The following CACNA1D variants were observed in gnomAD, a reference collection of about 807,000 sequenced individuals.
CACNA1D encodes the protein calcium voltage-gated channel subunit alpha1 D.
Under a neutral mutation model 257.1 loss-of-function variants are expected in CACNA1D, and 55 were observed. The observed-to-expected ratio is 0.21, with a 90% CI of 0.17 to 0.27. CACNA1D has a LOEUF of 0.27. CACNA1D is among the 10% of genes least tolerant of loss of function. The pLI, the probability that CACNA1D is intolerant of heterozygous loss-of-function variation, is 1.00. For missense variants in CACNA1D, 1,876 were observed against 2,784.0 expected (o/e 0.67, Z 7.34); for synonymous variants, 980 against 1,014.9 (o/e 0.97, Z 0.65).
At chr3:53,564,652 G>A (rs2092801954) in intron 3 of CACNA1D, among the ~76,000 whole-genome samples, 1 of 151,886 alleles carries the variant, frequency 6.6e-6, no homozygotes, top group Admixed American at 6.6e-5. Flanking sequence ...TTTTAAATTA[G>A]CGTTTATGGA....
At chr3:53,700,926 A>C (rs910880362) in intron 8 of CACNA1D, among the ~76,000 whole-genome samples, 2 of 147,836 alleles carry the variant, frequency 1.4e-5, no homozygotes, top group African/African-American at 5.1e-5. Flanking sequence ...TCCGTTGCCC[A>C]GGCTGGAGTG....
At chr3:53,522,878 C>G (rs759566201) in intron 3 of CACNA1D, among the ~76,000 whole-genome samples, 1 of 152,194 alleles carries the variant, frequency 6.6e-6, no homozygotes. Flanking sequence ...TTCCATCTAA[C>G]TGTGTGTTTG....
intron 3 of CACNA1D, among the ~76,000 whole-genome samples, chr3:53,645,988 A>G (rs146520061): frequency 0.02 from 3,006 of 152,278 alleles, 49 homozygotes; most frequent in Non-Finnish European, 0.03. Flanking sequence ...CTTGCATTCA[A>G]CCCCGCTGGG....
In CACNA1D at chr3:53,726,941, A is replaced by G. The variant is rs1352649683; in HGVS notation, c.2163A>G (p.Pro721=). The G allele has an allele frequency of 6.2e-7, 1 of 1,614,174 alleles. No homozygotes were observed. Among genetic ancestry groups the G allele is most frequent in the Non-Finnish European group, 8.5e-7 (1 of 1,180,004 alleles). The part of the protein sequence containing the change: ...MYDGIMAYGG[P]SSSGMIVCIY... ...ATGGCATCATGGCTTACGGGGGCCC[A>G]TCCTCTTCAGGAATGATCGTCTGCA... is the stretch of plus-strand genomic sequence containing the variant. Residue 721 remains proline (P), a synonymous_variant, in exon 15 of 48, where the codon CCA becomes CCG. Transcript: ENST00000350061.
chr3:53,666,313 G>C, intron 6 of CACNA1D, 26 bp from the exon 7 acceptor site: 2 of 1,606,978 alleles, frequency 1.2e-6, no homozygotes, highest in Non-Finnish European at 1.7e-6. Context: ...GTCCTGAGCG[G>C]TACAGCCTGT....
intron 40 of CACNA1D, among the ~76,000 whole-genome samples, chr3:53,795,509 C>T (rs141653507): frequency 9.8e-4 from 150 of 152,334 alleles, no homozygotes; most frequent in Non-Finnish European, 1.8e-3. Context: ...GCCTTTGACT[C>T]ATTTGGGCAC....
intron 47 of CACNA1D, 131 bp downstream of exon 47, chr3:53,810,429 G>A: frequency 2.3e-6 from 2 of 857,628 alleles, no homozygotes; most frequent in Non-Finnish European, 3.9e-6. Context: ...AGACACTTCT[G>A]AGCAGCAGGA....
chr3:53,519,604 T>C (rs1046812219), intron 3 of CACNA1D, among the ~76,000 whole-genome samples: 9 of 152,192 alleles, frequency 5.9e-5, no homozygotes, highest in Admixed American at 1.3e-4. Flanking sequence ...GTAGCAGGGA[T>C]CATGGCATGT....
At position 53,612,665 on chromosome 3, in the gene CACNA1D, C is replaced by T. The variant is rs571995553; in HGVS notation, c.484-38114C>T. On this transcript the variant is annotated intron_variant, in intron 3 of 47. Coordinates refer to ENST00000350061, the MANE Select transcript of CACNA1D (RefSeq NM_001128840.3). ...TTCTTTGCCCTGCAGTGTCTAGCCA[C>T]CTCAGACTCCCTACATTCCAGACTG... Among the ~76,000 whole-genome samples, 4 of 152,318 alleles carry T rather than the reference C, an allele frequency of 2.6e-5. No homozygotes were observed. The South Asian group carries it at 8.3e-4, about 32-fold the overall frequency.
At chr3:53,770,588 T>C in intron 32 of CACNA1D, 36 bp downstream of exon 32, 1 of 1,608,058 alleles carries the variant, frequency 6.2e-7, no homozygotes. Flanking sequence ...TCTTTGTCTT[T>C]GAAGATCATA....
At position 53,495,361 on chromosome 3, in the gene CACNA1D, G is replaced by A; in HGVS notation, c.67+128G>A. The A allele has an allele frequency of 9.3e-7, 1 of 1,069,840 alleles. No homozygotes were observed. The highest frequency in any genetic ancestry group is 1.3e-5 in the South Asian group (1 of 78,702). 66.3% of individuals were successfully genotyped at this position (1,069,840 alleles called of 1,614,324 possible). A position where few individuals can be genotyped will look rare whatever the true frequency, so the allele number is the denominator to read the frequency against. ...GAGAGGGTGCTGCCAGCTCGGTGTC[G>A]TCTACACAGAGAGGGGACATGCGTG... On this transcript the variant is annotated intron_variant, in intron 1 of 47. Coordinates refer to ENST00000350061, the MANE Select transcript of CACNA1D (RefSeq NM_001128840.3). The surrounding 1 kb of genome is among the most constrained non-coding windows in gnomAD (Gnocchi z 5.1).
At chr3:53,648,979 T>C (rs1007553279) in intron 3 of CACNA1D, among the ~76,000 whole-genome samples, 12 of 152,176 alleles carry the variant, frequency 7.9e-5, no homozygotes, top group Non-Finnish European at 1.5e-4. Flanking sequence ...AGCCCTGTTA[T>C]ATGACCAGTG....
rs1559692885 is a variant in CACNA1D at position 53,789,936 on chromosome 3, T to A, written c.4923+2984T>A. On this transcript the variant is annotated intron_variant, in intron 40 of 47. Coordinates refer to ENST00000350061, the MANE Select transcript of CACNA1D (RefSeq NM_001128840.3). This position sits in a 1 kb window ranked among gnomAD's most constrained non-coding sequence, Gnocchi z 4.2. ...AAGGGGAATGGCTTGAGCTCCTGGA[T>A]CCATGTGTGGGAAGGAGCTCGGCAT... Among the ~76,000 whole-genome samples the A allele has an allele frequency of 6.6e-6, 1 of 152,216 alleles. No individual in the cohort carries two copies. The highest frequency in any genetic ancestry group is 1.9e-4 in the East Asian group (1 of 5,202).
intron 3 of CACNA1D, among the ~76,000 whole-genome samples, chr3:53,601,198 C>T (rs1399456972): frequency 1.3e-5 from 2 of 152,210 alleles, no homozygotes; most frequent in Non-Finnish European, 2.9e-5. Context: ...TGAGAACCAT[C>T]GATGTGCACA....
intron 30 of CACNA1D, among the ~76,000 whole-genome samples, chr3:53,765,003 C>G (rs192844013): frequency 1.3e-5 from 2 of 152,322 alleles, no homozygotes; most frequent in East Asian, 3.9e-4. Flanking sequence ...TCAGAAATCT[C>G]AGTGTCTCCT....
In CACNA1D at chr3:53,810,188, G is replaced by A. The variant is rs771286149; in HGVS notation, c.6082G>A (p.Glu2028Lys). 8.7e-6 allele frequency: 14 copies of A among 1,613,866 alleles called. No individual in the cohort carries two copies. Among genetic ancestry groups the A allele is most frequent in the South Asian group, 3.3e-5 (3 of 91,086 alleles). Residue 2028 changes from glutamate (E) to lysine (K), a missense_variant, in exon 47 of 48, where the codon GAG becomes AAG. Transcript: ENST00000350061. The part of the protein sequence containing the change: ...SLHRSSWYTD[E>K]PDISYRTFTP... ...GCACCGCAGCTCCTGGTACACAGAC[G>A]AGCCCGACATCTCCTACCGGACTTT...
chr3:53,525,944 C>T (rs1219881959), intron 3 of CACNA1D, among the ~76,000 whole-genome samples: 1 of 152,172 alleles, frequency 6.6e-6, no homozygotes, highest in Non-Finnish European at 1.5e-5. Flanking sequence ...TCTCTCTCTC[C>T]AGCCTGGCTC....
rs144422871 is a variant in CACNA1D at position 53,537,460 on chromosome 3, G to T, written c.483+35740G>T. 6.1e-3 allele frequency among the ~76,000 whole-genome samples: 934 copies of T among 151,976 alleles called. 3 individuals carry two copies. Among genetic ancestry groups the T allele is most frequent in the African/African-American group, 0.021 (872 of 41,422 alleles). On this transcript the variant is annotated intron_variant, in intron 3 of 47. Transcript: ENST00000350061. Reference sequence around the variant, plus strand: ...TTCTCAGGTATATCAGCAAATCTCAGGTATATCATTTTATCTGTAGATATT... The same window carrying T: ...TTCTCAGGTATATCAGCAAATCTCATGTATATCATTTTATCTGTAGATATT...
chr3:53,631,575 A>G (rs904612638), intron 3 of CACNA1D, among the ~76,000 whole-genome samples: 1 of 152,216 alleles, frequency 6.6e-6, no homozygotes, highest in African/African-American at 2.4e-5. Context: ...TTCTTTAATG[A>G]ATCACAAATG....
Sources: gnomAD v4.1 joint callset for allele counts (sites outside exome capture counted in the v4.1 genomes callset) on GRCh38, gnomAD v4.1.1 for gene constraint, Gnocchi (gnomAD v3.1) non-coding constraint, MANE v1.5 for transcripts, NCBI Gene and HGNC (gene_info 2026-07-23, HGNC 2026-07-21) for gene names.